PLCH1: variants seen among roughly 807,000 people sequenced by gnomAD.
PLCH1 encodes phospholipase C eta 1.
A neutral mutation model predicts 126.7 loss-of-function variants in PLCH1; 60 were observed. The ratio of observed to expected loss-of-function variants is 0.47; its 90% CI spans 0.38 to 0.59. The LOEUF (loss-of-function observed/expected upper bound fraction) is 0.59. Ranked by LOEUF, PLCH1 falls within the 20% of genes least tolerant of loss-of-function variation. The probability of loss-of-function intolerance (pLI) is 0.00; values close to 1 mark genes in which losing one functional copy is unlikely to be tolerated. For missense variants in PLCH1, 1,723 were observed against 2,040.0 expected (o/e 0.84, Z 2.99); for synonymous variants, 719 against 734.9 (o/e 0.98, Z 0.35).
At chr3:155,719,379 G>C (rs931689732) in intron 1 of PLCH1, among the ~76,000 whole-genome samples, 2 of 151,978 alleles carry the variant, frequency 1.3e-5, no homozygotes, top group Non-Finnish European at 1.5e-5. Flanking sequence ...GGTTGGGGGA[G>C]GGGGAAGGGA....
chr3:155,619,436 T>C (rs1736185560), intron 2 of PLCH1, among the ~76,000 whole-genome samples: 1 of 150,620 alleles, frequency 6.6e-6, no homozygotes. Context: ...TTCTTATACT[T>C]GAGCCATTAT....
downstream of PLCH1, among the ~76,000 whole-genome samples, chr3:155,474,983 C>T (rs1229935185): frequency 1.2e-3 from 162 of 133,704 alleles, no homozygotes; most frequent in African/African-American, 4.3e-3. Flanking sequence ...TGCTAGATGA[C>T]GAGTTAGTGG....
intron 6 of PLCH1, among the ~76,000 whole-genome samples, chr3:155,579,460 A>G (rs1360974589): frequency 6.6e-6 from 1 of 152,242 alleles, no homozygotes; most frequent in African/African-American, 2.4e-5. Context: ...GTCAAGGATG[A>G]AAAGTTAATG....
intron 2 of PLCH1, among the ~76,000 whole-genome samples, chr3:155,629,221 C>A (rs150121968): frequency 6.6e-6 from 1 of 152,138 alleles, no homozygotes; most frequent in Non-Finnish European, 1.5e-5. Flanking sequence ...GAAAATGCAG[C>A]GGCTCAAAGT....
At chr3:155,462,075 C>T (rs1330421909) in intron 21 of PLCH1, among the ~76,000 whole-genome samples, 1 of 152,230 alleles carries the variant, frequency 6.6e-6, no homozygotes, top group Non-Finnish European at 1.5e-5. Context: ...TTAGAGGACA[C>T]ATTGTGTTCC....
chr3:155,468,215 A>T (rs1403927039), intron 21 of PLCH1, among the ~76,000 whole-genome samples: 1 of 152,232 alleles, frequency 6.6e-6, no homozygotes, highest in Non-Finnish European at 1.5e-5. Context: ...TAGTATTTGC[A>T]AGCCTCATGG....
chr3:155,496,727 G>T (rs1340663266), intron 15 of PLCH1, among the ~76,000 whole-genome samples: 7 of 152,148 alleles, frequency 4.6e-5, no homozygotes, highest in Admixed American at 4.6e-4. Context: ...AAGGAGACAA[G>T]AGTAACTAGC....
At position 155,523,271 on chromosome 3, in the gene PLCH1, A is replaced by T. The variant is rs112169647; in HGVS notation, c.1470+626T>A. Among the ~76,000 whole-genome samples the T allele has an allele frequency of 4.6e-5, 7 of 152,184 alleles. No individual in the cohort carries two copies. The South Asian group carries it at 6.2e-4, about 14-fold the overall frequency. On this transcript the variant is annotated intron_variant, in intron 11 of 22. Transcript: ENST00000460012. The stretch of plus-strand genomic sequence containing the variant: ...GATTACAGGCGTGAGCCACCGCGCC[A>T]GGCCTAAATGATGCTTTTCTACAAA...
intron 1 of PLCH1, among the ~76,000 whole-genome samples, chr3:155,706,471 T>C (rs1746679874): frequency 1.3e-5 from 2 of 151,698 alleles, no homozygotes; most frequent in South Asian, 4.2e-4. Flanking sequence ...AATACAAAAA[T>C]TAGCCGGGCA....
intron 10 of PLCH1, among the ~76,000 whole-genome samples, chr3:155,542,250 G>A (rs1167944851): frequency 1.3e-5 from 2 of 152,238 alleles, no homozygotes; most frequent in African/African-American, 4.8e-5. Flanking sequence ...ACCTGGCTCG[G>A]AGGGTCCTAC....
At chr3:155,641,121 G>A (rs1315761593) in intron 2 of PLCH1, among the ~76,000 whole-genome samples, 1 of 151,462 alleles carries the variant, frequency 6.6e-6, no homozygotes, top group Non-Finnish European at 1.5e-5. Context: ...AAAGAATTTA[G>A]CTTTCTACAA....
intron 2 of PLCH1, among the ~76,000 whole-genome samples, chr3:155,627,313 A>G (rs1399476784): frequency 6.6e-6 from 1 of 152,128 alleles, no homozygotes; most frequent in East Asian, 1.9e-4. Flanking sequence ...GTTCACTGCC[A>G]CCCTGTTTGT....
At chr3:155,484,435 A>G (rs910063930) in intron 22 of PLCH1, among the ~76,000 whole-genome samples, 4 of 152,232 alleles carry the variant, frequency 2.6e-5, no homozygotes, top group Admixed American at 2.0e-4. Context: ...CTTGTAACAA[A>G]AATCAATACA....
intron 10 of PLCH1, among the ~76,000 whole-genome samples, chr3:155,544,022 A>T (rs201545198): frequency 7.6e-6 from 1 of 132,008 alleles, no homozygotes; most frequent in Non-Finnish European, 1.7e-5. Flanking sequence ...GACAGGATCA[A>T]ATTCACACAT....
rs186962133 is a variant in PLCH1 at position 155,585,375 on chromosome 3, T to C, written c.600+690A>G. ...CATGGATTATGCACGCAACTTATCT[T>C]CAAATAATAGCCTGTTACAAATTAA... is the stretch of plus-strand genomic sequence containing the variant. On this transcript the variant is annotated intron_variant, in intron 5 of 22. Transcript: ENST00000460012. 4.1e-3 allele frequency among the ~76,000 whole-genome samples: 629 copies of C among 152,326 alleles called. 2 individuals are homozygous for C. The highest frequency in any genetic ancestry group is 0.01 in the Middle Eastern group (3 of 294).
intron 15 of PLCH1, among the ~76,000 whole-genome samples, chr3:155,496,577 TC>T (rs1235156575): frequency 2.0e-5 from 3 of 152,194 alleles, no homozygotes; most frequent in Non-Finnish European, 2.9e-5. Flanking sequence ...AATGTTGTTT[TC>T]CCTTCACTAA....
intron 2 of PLCH1, among the ~76,000 whole-genome samples, chr3:155,637,157 G>A (rs951244240): frequency 1.7e-4 from 26 of 152,242 alleles, no homozygotes; most frequent in East Asian, 3.9e-4. Flanking sequence ...TGATTGGACC[G>A]TAAGCCTTTG....
rs1456039042 is a variant in PLCH1, at chr3:155,740,397, ACT to A, written c.-41+4441_-41+4442del. Among the ~76,000 whole-genome samples the A allele has an allele frequency of 3.7e-5, 5 of 134,862 alleles. No individual in the cohort carries two copies. The East Asian group carries it at 8.8e-4, about 24-fold the overall frequency. The allele number at this position is 134,862 out of a possible 152,430, so 88.5% of individuals were successfully genotyped here. A position where few individuals can be genotyped will look rare whatever the true frequency, so the allele number is the denominator to read the frequency against. On this transcript the variant is annotated intron_variant, in intron 1 of 22. Transcript: ENST00000460012. ...ACTCTAGCCTGGGTGATAGAGAGAG[ACT>A]CTGTCTCAAAAAAAAAAAAAAAAAA... is the stretch of plus-strand genomic sequence containing the variant.
chr3:155,548,520 T>G (rs931597966), intron 10 of PLCH1, among the ~76,000 whole-genome samples: 14 of 152,192 alleles, frequency 9.2e-5, no homozygotes, highest in African/African-American at 3.4e-4. Context: ...ACATTAAATA[T>G]CCACTGTGAG....
Sources: gnomAD v4.1 joint callset for allele counts (sites outside exome capture counted in the v4.1 genomes callset) on GRCh38, gnomAD v4.1.1 for gene constraint, MANE v1.5 for transcripts, NCBI Gene and HGNC (gene_info 2026-07-23, HGNC 2026-07-21) for gene names.